The following SLC45A4 variants were observed in gnomAD, a reference collection of about 807,000 sequenced individuals.
SLC45A4 encodes polyamine-transporter SLC45A4.
A neutral mutation model predicts 63.7 loss-of-function variants in SLC45A4; 32 were observed. The observed-to-expected ratio is 0.50, with a 90% CI of 0.38 to 0.67. SLC45A4 has a LOEUF of 0.67. Among genes scored for constraint, SLC45A4 ranks in the 30% least tolerant of loss-of-function variants. SLC45A4 has a pLI of 0.00. For missense variants in SLC45A4, 1,027 were observed against 1,157.7 expected (o/e 0.89, Z 1.64); for synonymous variants, 535 against 510.0 (o/e 1.05, Z -0.66).
In SLC45A4 at chr8:141,267,266, G is replaced by A. The variant is rs187209713; in HGVS notation, c.-400-12637C>T. Among the ~76,000 whole-genome samples the A allele has an allele frequency of 1.7e-4, 26 of 152,352 alleles. No individual in the cohort carries two copies. The East Asian group carries it at 3.7e-3, about 21-fold the overall frequency. ...ACCGGGGCAGCAGCTCTGGGAAGCC[G>A]GCAGACCACCTGCTGCCGTGTCCCG... is the stretch of plus-strand genomic sequence containing the variant. On this transcript the variant is annotated intron_variant, in intron 1 of 8. Transcript: ENST00000517878.
chr8:141,265,589 A>G (rs1829234422), intron 1 of SLC45A4, among the ~76,000 whole-genome samples: 1 of 152,224 alleles, frequency 6.6e-6, no homozygotes, highest in African/African-American at 2.4e-5. Flanking sequence ...ATTCTTCTCT[A>G]GTACACAGCT....
intron 1 of SLC45A4, among the ~76,000 whole-genome samples, chr8:141,271,910 G>A (rs537809878): frequency 2.0e-5 from 3 of 148,746 alleles, no homozygotes; most frequent in South Asian, 4.3e-4. Flanking sequence ...ACATACATGC[G>A]CTCACACGTG....
rs190663664 is a variant in SLC45A4, at chr8:141,249,427, G to A, written c.241+4562C>T. Among the ~76,000 whole-genome samples, 254 of 152,318 alleles carry A rather than the reference G, an allele frequency of 1.7e-3. 3 individuals are homozygous for A. Among genetic ancestry groups the A allele is most frequent in the African/African-American group, 5.7e-3 (238 of 41,556 alleles). The stretch of plus-strand genomic sequence containing the variant: ...AGAAAGTACTGATTCATGCAGTAAC[G>A]GGGATGAATCAGAAAAGCATTATGC... On this transcript the variant is annotated intron_variant, in intron 2 of 8. Transcript: ENST00000517878.
chr8:141,224,266 T>G (rs986028253), intron 2 of SLC45A4: 6 of 152,238 alleles, frequency 3.9e-5, no homozygotes, highest in Non-Finnish European at 8.8e-5. Context: ...TCTGGCTGCC[T>G]TAAAGATTCT....
Position 141,211,274 on chromosome 8 carries a change from G to T in SLC45A4, c.*298C>A. On this transcript the variant is annotated 3_prime_UTR_variant, in exon 9 of 9. Transcript: ENST00000517878. ...CTGACGTTGGGAGCGGTCTGGAGGG[G>T]CAACCTGGCCTCCTAGGAGAGTCCT... 1.5e-6 allele frequency: 1 copy of T among 649,112 alleles called. No homozygotes were observed. Among genetic ancestry groups the T allele is most frequent in the Non-Finnish European group, 2.3e-6 (1 of 425,676 alleles). The allele number at this position is 649,112 out of a possible 1,614,324, so 40.2% of individuals were successfully genotyped here.
chr8:141,212,824 T>C (rs547273014), intron 7 of SLC45A4, among the ~76,000 whole-genome samples: 2 of 152,290 alleles, frequency 1.3e-5, no homozygotes, highest in South Asian at 4.1e-4. Context: ...TTCCCAGGAA[T>C]CTGGCCTCCA....
rs1218683746 is a variant in SLC45A4 at position 141,208,103 on chromosome 8, C to G, written c.*3469G>C. ...CGCTGTGTGGTGGCTAAAGCTGGACCAAAGTTAAGAAGCGAAACAGCGTGG... is the reference window on the plus strand; with the variant it reads ...CGCTGTGTGGTGGCTAAAGCTGGACGAAAGTTAAGAAGCGAAACAGCGTGG... On this transcript the variant is annotated 3_prime_UTR_variant, in exon 9 of 9. Transcript: ENST00000517878. The G allele has an allele frequency of 1.3e-5, 2 of 152,226 alleles. No individual in the cohort carries two copies. Among genetic ancestry groups the G allele is most frequent in the African/African-American group, 4.8e-5 (2 of 41,448 alleles). 9.4% of individuals were successfully genotyped at this position (152,226 alleles called of 1,614,324 possible).
In SLC45A4 at chr8:141,217,200, A is replaced by C; in HGVS notation, c.1630-11T>G. 1 of 1,613,026 alleles carries C rather than the reference A, an allele frequency of 6.2e-7. No homozygotes were observed. Among genetic ancestry groups the C allele is most frequent in the East Asian group, 2.2e-5 (1 of 44,854 alleles). On this transcript the variant is annotated splice_polypyrimidine_tract_variant and intron_variant, in intron 5 of 8. Coordinates refer to ENST00000517878, the MANE Select transcript of SLC45A4 (RefSeq NM_001286646.2). ...CGAGTTCGAGGGGGCCTGTTCCGGA[A>C]ATGAGACGGGGGCTGACGAGGGCAT...
At chr8:141,237,101 C>T (rs895740949) in intron 2 of SLC45A4, among the ~76,000 whole-genome samples, 11 of 151,928 alleles carry the variant, frequency 7.2e-5, no homozygotes, top group African/African-American at 1.9e-4. Context: ...AAAATTATAG[C>T]GATCTAGTAA....
intron 1 of SLC45A4, among the ~76,000 whole-genome samples, chr8:141,263,311 A>C (rs1336854461): frequency 1.3e-5 from 2 of 152,028 alleles, no homozygotes; most frequent in Non-Finnish European, 2.9e-5. Flanking sequence ...ACATGTATAC[A>C]TATGTAACTA....
intron 4 of SLC45A4, among the ~76,000 whole-genome samples, 165 bp downstream of exon 4, chr8:141,219,485 A>C (rs1826444181): frequency 6.6e-6 from 1 of 151,828 alleles, no homozygotes; most frequent in African/African-American, 2.4e-5. Context: ...GGTGGTCAGG[A>C]GGGGCTGCCC....
intron 1 of SLC45A4, among the ~76,000 whole-genome samples, chr8:141,279,917 T>C (rs1056061204): frequency 1.3e-5 from 2 of 152,222 alleles, no homozygotes; most frequent in African/African-American, 4.8e-5. Flanking sequence ...TTAAGATACT[T>C]TGGAGGATAA....
At chr8:141,293,035 T>C (rs1051388094) in intron 1 of SLC45A4, among the ~76,000 whole-genome samples, 1 of 152,144 alleles carries the variant, frequency 6.6e-6, no homozygotes, top group African/African-American at 2.4e-5. Flanking sequence ...CCCACATGCA[T>C]GGTGACTCGA....
At chr8:141,255,751 CAAAA>C (rs1569558877) in intron 1 of SLC45A4, among the ~76,000 whole-genome samples, 1 of 148,776 alleles carries the variant, frequency 6.7e-6, no homozygotes, top group Non-Finnish European at 1.5e-5. Flanking sequence ...ACAAAAAAAA[CAAAA>C]AGAAAAGAAA....
At chr8:141,306,169 C>A (rs904128441) in intron 1 of SLC45A4, among the ~76,000 whole-genome samples, 2 of 152,228 alleles carry the variant, frequency 1.3e-5, no homozygotes, top group African/African-American at 4.8e-5. Flanking sequence ...AGGCCACTCC[C>A]CCCACGAGGC....
chr8:141,207,928 C>G lies in SLC45A4; in HGVS notation c.*3644G>C, dbSNP rs1284366130. The stretch of plus-strand genomic sequence containing the variant: ...CTCCCAGGTGGTGAAGGGCAGAACC[C>G]CCCCAGGAGCTCTCGGAAGCAGGGG... On this transcript the variant is annotated 3_prime_UTR_variant, in exon 9 of 9. Coordinates refer to ENST00000517878, the MANE Select transcript of SLC45A4 (RefSeq NM_001286646.2). 1.3e-5 allele frequency: 2 copies of G among 152,310 alleles called. No homozygotes were observed. The highest frequency in any genetic ancestry group is 6.5e-5 in the Admixed American group (1 of 15,282). 9.4% of individuals were successfully genotyped at this position (152,310 alleles called of 1,614,324 possible). A position where few individuals can be genotyped will look rare whatever the true frequency, so the allele number is the denominator to read the frequency against.
chr8:141,264,698 C>G (rs1255753481), intron 1 of SLC45A4, among the ~76,000 whole-genome samples: 1 of 152,222 alleles, frequency 6.6e-6, no homozygotes, highest in Non-Finnish European at 1.5e-5. Flanking sequence ...TCCAAGTCCA[C>G]CCTGACGCCT....
intron 1 of SLC45A4, among the ~76,000 whole-genome samples, chr8:141,296,245 C>T (rs1284574929): frequency 1.3e-5 from 2 of 151,648 alleles, no homozygotes; most frequent in South Asian, 2.1e-4. Flanking sequence ...GCACGAGAAT[C>T]GCTTCAATCC....
At chr8:141,223,859 TGGGACCTGTGACCCACAGA>T in intron 2 of SLC45A4, among the ~76,000 whole-genome samples, 1 of 152,336 alleles carries the variant, frequency 6.6e-6, no homozygotes, top group South Asian at 2.1e-4. Context: ...TGGCACCAGA[TGGGACCTGTGACCCACAGA>T]GGGCTCGAAC....
Sources: allele counts gnomAD v4.1 joint callset (sites outside exome capture counted in the v4.1 genomes callset), GRCh38; gene constraint gnomAD v4.1.1; transcripts MANE v1.5; gene names NCBI Gene and HGNC (gene_info 2026-07-23, HGNC 2026-07-21).